The following TBCK variants were observed in gnomAD, a reference collection of about 807,000 sequenced individuals.
The protein encoded by TBCK is TBC domain-containing protein kinase-like protein.
TBCK carries 99 observed loss-of-function variants against 113.4 expected under a neutral mutation model. That is an observed-to-expected ratio of 0.87 (90% CI 0.74 to 1.03). The LOEUF is 1.03. Among genes scored for constraint, TBCK ranks in the 50% least tolerant of loss-of-function variants. The pLI is 0.00. For synonymous variants in TBCK, 369 were observed against 370.8 expected (o/e 1.00, Z 0.05); for missense variants, 1,045 against 1,061.3 (o/e 0.98, Z 0.21).
At chr4:106,301,331 A>T (rs1766919976) in intron 2 of TBCK, among the ~76,000 whole-genome samples, 1 of 152,130 alleles carries the variant, frequency 6.6e-6, no homozygotes, top group Non-Finnish European at 1.5e-5. Flanking sequence ...TTTCACCAGC[A>T]ATCATTGAAA....
chr4:106,236,812 T>C lies in TBCK; in HGVS notation c.1171-4A>G, dbSNP rs1759522942. The C allele has an allele frequency of 6.7e-7, 1 of 1,498,134 alleles. No individual in the cohort carries two copies. The highest frequency in any genetic ancestry group is 1.4e-5 in the African/African-American group (1 of 69,880). 92.8% of individuals were successfully genotyped at this position (1,498,134 alleles called of 1,614,324 possible). ...CTCCACCAACATCTTTCAATCTCTG[T>C]GTATTTAAAGACAAAATATTTATGT... On this transcript the variant is annotated splice_region_variant and splice_polypyrimidine_tract_variant and intron_variant, in intron 12 of 25. Transcript: ENST00000394708.
chr4:106,119,369 C>A (rs911742264), intron 23 of TBCK, among the ~76,000 whole-genome samples: 2 of 151,932 alleles, frequency 1.3e-5, no homozygotes, highest in African/African-American at 2.4e-5. Flanking sequence ...GTATTTACAG[C>A]CAACTGATTC....
chr4:106,073,039 G>A lies in TBCK; in HGVS notation c.2571+22443C>T, dbSNP rs993595839. On this transcript the variant is annotated intron_variant, in intron 25 of 25. Transcript: ENST00000394708. ...ATTTTAGCTTCCTTGCGATGGGTTC[G>A]AACATCCTCCTTTAGCTTGGAGAAG... Among the ~76,000 whole-genome samples, 7 of 152,252 alleles carry A rather than the reference G, an allele frequency of 4.6e-5. No individual in the cohort carries two copies. The South Asian group carries it at 6.2e-4, about 14-fold the overall frequency.
chr4:106,238,899 C>G (rs73838166), intron 12 of TBCK, among the ~76,000 whole-genome samples: 2,772 of 152,154 alleles, frequency 0.018, 80 homozygotes, highest in African/African-American at 0.061. Context: ...CAGACTAATA[C>G]GAGAGAGAAA....
chr4:106,250,912 A>C (rs1463704543), intron 6 of TBCK, among the ~76,000 whole-genome samples: 10 of 151,966 alleles, frequency 6.6e-5, no homozygotes, highest in Non-Finnish European at 1.5e-4. Context: ...CATTAAAAAA[A>C]CTTCATAACA....
intron 12 of TBCK, among the ~76,000 whole-genome samples, chr4:106,239,560 A>G (rs1180686377): frequency 6.6e-6 from 1 of 152,094 alleles, no homozygotes; most frequent in East Asian, 1.9e-4. Context: ...AAAGCCCACC[A>G]ATAGGTGACA....
intron 23 of TBCK, 116 bp downstream of exon 23, chr4:106,170,979 T>C (rs1750920107): frequency 4.3e-6 from 3 of 704,500 alleles, no homozygotes; most frequent in Non-Finnish European, 6.5e-6. Context: ...TGTTAGAAAA[T>C]ATCTACATTA....
chr4:106,092,813 C>A (rs1487486794), intron 25 of TBCK, among the ~76,000 whole-genome samples: 1 of 152,244 alleles, frequency 6.6e-6, no homozygotes, highest in African/African-American at 2.4e-5. Flanking sequence ...TGGCTCCAGC[C>A]TCGGCCATCC....
chr4:106,112,108 A>G (rs960689160), intron 24 of TBCK, among the ~76,000 whole-genome samples: 1 of 151,656 alleles, frequency 6.6e-6, no homozygotes, highest in Non-Finnish European at 1.5e-5. Context: ...GCTTCCTAGA[A>G]TGGGTTTTTT....
chr4:106,226,932 T>G (rs1758310567), intron 19 of TBCK, among the ~76,000 whole-genome samples: 1 of 152,148 alleles, frequency 6.6e-6, no homozygotes, highest in Non-Finnish European at 1.5e-5. Flanking sequence ...TTCATAAATT[T>G]TGAAGAAGGT....
chr4:106,298,617 A>C (rs1355003056), intron 2 of TBCK, among the ~76,000 whole-genome samples: 2 of 147,020 alleles, frequency 1.4e-5, no homozygotes, highest in African/African-American at 4.9e-5. Flanking sequence ...CAAAAACAAC[A>C]ACAAAAAAAA....
At chr4:106,196,491 T>G (rs1579203881) in intron 20 of TBCK, among the ~76,000 whole-genome samples, 1 of 152,138 alleles carries the variant, frequency 6.6e-6, no homozygotes, top group African/African-American at 2.4e-5. Context: ...ATATTGTCTT[T>G]GCATTTCACT....
chr4:106,111,792 A>G (rs1047333004), intron 24 of TBCK, among the ~76,000 whole-genome samples: 1 of 152,198 alleles, frequency 6.6e-6, no homozygotes, highest in African/African-American at 2.4e-5. Context: ...TAAGACCTCA[A>G]AAGGTTAAAT....
At chr4:106,300,570 C>A (rs906626575) in intron 2 of TBCK, among the ~76,000 whole-genome samples, 2 of 152,064 alleles carry the variant, frequency 1.3e-5, no homozygotes, top group South Asian at 4.1e-4. Context: ...CAGTTCAAAA[C>A]CAACAAAGAA....
chr4:106,261,315 C>T (rs1238519428), intron 4 of TBCK, among the ~76,000 whole-genome samples: 1 of 152,008 alleles, frequency 6.6e-6, no homozygotes, highest in Non-Finnish European at 1.5e-5. Flanking sequence ...CAGGGTCTCA[C>T]ACTGTCATCC....
chr4:106,132,095 A>T (rs1014165284), intron 23 of TBCK, among the ~76,000 whole-genome samples: 1 of 152,228 alleles, frequency 6.6e-6, no homozygotes, highest in Admixed American at 6.5e-5. Context: ...ATTTTCTGGG[A>T]AGAAATTCAA....
At chr4:106,261,521 A>T (rs1762505006) in intron 4 of TBCK, among the ~76,000 whole-genome samples, 1 of 152,148 alleles carries the variant, frequency 6.6e-6, no homozygotes, top group African/African-American at 2.4e-5. Context: ...AAAGGAATCA[A>T]ATTACAATTA....
intron 15 of TBCK, 22 bp from the exon 16 acceptor site, chr4:106,233,672 A>G (rs763917080): frequency 6.4e-7 from 1 of 1,554,690 alleles, no homozygotes; most frequent in East Asian, 2.3e-5. Flanking sequence ...AAAAGAAGAT[A>G]TATTAATTTA....
At chr4:106,082,101 T>C (rs1560617994) in intron 25 of TBCK, among the ~76,000 whole-genome samples, 1 of 152,216 alleles carries the variant, frequency 6.6e-6, no homozygotes, top group Non-Finnish European at 1.5e-5. Context: ...CTATATGATA[T>C]ATACCCAAAG....
Sources: allele counts gnomAD v4.1 joint callset (sites outside exome capture counted in the v4.1 genomes callset), GRCh38; gene constraint gnomAD v4.1.1; transcripts MANE v1.5; gene names NCBI Gene and HGNC (gene_info 2026-07-23, HGNC 2026-07-21).